TRIM65: variants seen among roughly 807,000 people sequenced by gnomAD.
The protein encoded by TRIM65 is tripartite motif containing 65.
Under a neutral mutation model 36.1 loss-of-function variants are expected in TRIM65, and 46 were observed. The observed-to-expected ratio is 1.27, with a 90% CI of 1.01 to 1.63. The LOEUF (loss-of-function observed/expected upper bound fraction) is 1.63, where lower values mean the gene tolerates loss of function less well. TRIM65 is among the 40% of genes most tolerant of loss of function. The pLI is 0.00. For missense variants in TRIM65, 708 were observed against 696.6 expected (o/e 1.02, Z -0.18); for synonymous variants, 346 against 313.6 (o/e 1.10, Z -1.09).
chr17:75,894,332 C>T (rs1403794310), intron 1 of TRIM65, among the ~76,000 whole-genome samples: 4 of 152,236 alleles, frequency 2.6e-5, no homozygotes, highest in Non-Finnish European at 5.9e-5. Flanking sequence ...ATCCTGTCTT[C>T]GCTGCTGAAA....
rs1234676383 is a variant in TRIM65, at chr17:75,890,715, C to G, written c.*64G>C. 3 of 1,362,962 alleles carry G rather than the reference C, an allele frequency of 2.2e-6. No homozygotes were observed. The highest frequency in any genetic ancestry group is 2.9e-6 in the Non-Finnish European group (3 of 1,037,370). The allele number at this position is 1,362,962 out of a possible 1,614,324, so 84.4% of individuals were successfully genotyped here. A position where few individuals can be genotyped will look rare whatever the true frequency, so the allele number is the denominator to read the frequency against. On this transcript the variant is annotated 3_prime_UTR_variant, in exon 6 of 6. Coordinates refer to ENST00000269383, the MANE Select transcript of TRIM65 (RefSeq NM_173547.4). ...TGGTCCTCCAGTCCCCAAGCTGAAG[C>G]TGGGCAGCTCTTGGGCACATAGGCA...
Position 75,892,355 on chromosome 17 carries a change from C to G in TRIM65, c.656G>C (p.Arg219Pro), listed in dbSNP as rs368813627. The G allele has an allele frequency of 6.2e-7, 1 of 1,613,322 alleles. No homozygotes were observed. Among genetic ancestry groups the G allele is most frequent in the East Asian group, 2.2e-5 (1 of 44,880 alleles). Residue 219 changes from arginine (R) to proline (P), a missense_variant, in exon 3 of 6, where the codon CGG becomes CCG. Transcript: ENST00000269383. ...CACAGCCTCCAAATGGACCCGCAGC[C>G]GCTGCTCCTCGTCTCGAGCCTGTGC... Reference protein sequence around the residue: ...ALAQARDEEQRLRVHLEAVAR... With the variant: ...ALAQARDEEQPLRVHLEAVAR...
intron 4 of TRIM65, among the ~76,000 whole-genome samples, chr17:75,881,944 A>G (rs1238571897): frequency 6.7e-6 from 1 of 150,232 alleles, no homozygotes; most frequent in Non-Finnish European, 1.5e-5. Context: ...GATCAGGACT[A>G]TCACTTGTTT....
At chr17:75,883,596 T>C (rs2065184019) in intron 4 of TRIM65, among the ~76,000 whole-genome samples, 2 of 149,068 alleles carry the variant, frequency 1.3e-5, no homozygotes, top group Non-Finnish European at 3.0e-5. Context: ...GGCGCCATCT[T>C]GGCTCACTGC....
At position 75,892,358 on chromosome 17, in the gene TRIM65, T is replaced by C. The variant is rs139902371; in HGVS notation, c.653A>G (p.Gln218Arg). The C allele has an allele frequency of 3.8e-5, 62 of 1,613,464 alleles. No individual in the cohort carries two copies. In the African/African-American group the frequency reaches 6.8e-4, roughly 18 times the overall value. ...QALAQARDEEQRLRVHLEAVA... is the reference protein window; with the variant it reads ...QALAQARDEERRLRVHLEAVA... ...AGCCTCCAAATGGACCCGCAGCCGC[T>C]GCTCCTCGTCTCGAGCCTGTGCCAG... is the stretch of plus-strand genomic sequence containing the variant. Residue 218 changes from glutamine to arginine, a missense_variant, in exon 3 of 6, where the codon CAG becomes CGG. Physicochemically the swap from Gln to Arg is conservative, Grantham distance 43. Transcript: ENST00000269383.
At position 75,892,863 on chromosome 17, in the gene TRIM65, C is replaced by T; in HGVS notation, c.415-13G>A. On this transcript the variant is annotated splice_polypyrimidine_tract_variant and intron_variant, in intron 1 of 5. Transcript: ENST00000269383. ...CTCTCAGCTGGGCCTGTGGTGCGGG[C>T]CCACGGGACAAGCAACAAGAGAAGG... 6.3e-7 allele frequency: 1 copy of T among 1,599,434 alleles called. No individual in the cohort carries two copies. Among genetic ancestry groups the T allele is most frequent in the Middle Eastern group, 1.7e-4 (1 of 6,054 alleles).
downstream of TRIM65, among the ~76,000 whole-genome samples, chr17:75,885,030 G>T (rs1269184355): frequency 6.7e-6 from 1 of 150,242 alleles, no homozygotes; most frequent in Admixed American, 6.7e-5. Context: ...TCTGCCTCCC[G>T]GGTTAAAGCG....
intron 1 of TRIM65, 37 bp downstream of exon 1, chr17:75,896,487 G>C (rs1477971868): frequency 7.7e-7 from 1 of 1,292,932 alleles, no homozygotes; most frequent in East Asian, 3.2e-5. Flanking sequence ...AGGCTGCGGC[G>C]GGTCCGGACC....
chr17:75,887,846 C>A (rs985349812), downstream of TRIM65, among the ~76,000 whole-genome samples: 2 of 151,726 alleles, frequency 1.3e-5, no homozygotes, highest in African/African-American at 4.8e-5. Context: ...ATGGTGAAAC[C>A]CCATCTCTAC....
chr17:75,885,523 G>A (rs2065200506), downstream of TRIM65, among the ~76,000 whole-genome samples: 1 of 152,228 alleles, frequency 6.6e-6, no homozygotes, highest in Non-Finnish European at 1.5e-5. Context: ...GCGATTGCAG[G>A]CGGGAGCCAC....
intron 1 of TRIM65, among the ~76,000 whole-genome samples, chr17:75,893,642 G>A (rs1216216320): frequency 1.3e-5 from 2 of 152,092 alleles, no homozygotes; most frequent in Admixed American, 6.5e-5. Context: ...AGGAGGAAAC[G>A]GGCTCAGAGA....
At chr17:75,892,931 C>T (rs909543036) in intron 1 of TRIM65, 81 bp from the exon 2 acceptor site, 1 of 1,260,774 alleles carries the variant, frequency 7.9e-7, no homozygotes, top group Non-Finnish European at 1.1e-6. Flanking sequence ...ACCAACCATG[C>T]CTGCAGACAC....
intron 5 of TRIM65, among the ~76,000 whole-genome samples, chr17:75,891,570 C>G (rs1050336362): frequency 6.6e-6 from 1 of 152,186 alleles, no homozygotes; most frequent in Non-Finnish European, 1.5e-5. Context: ...GGAAGAATTA[C>G]GGGTCTGTGC....
In TRIM65 at chr17:75,892,498, G is replaced by A. The variant is rs1378559561; in HGVS notation, c.513C>T (p.Asn171=). 1 of 1,613,308 alleles carries A rather than the reference G, an allele frequency of 6.2e-7. No individual in the cohort carries two copies. The highest frequency in any genetic ancestry group is 8.5e-7 in the Non-Finnish European group (1 of 1,179,646). Residue 171 remains asparagine, a splice_region_variant and synonymous_variant, in exon 3 of 6, where the codon AAC becomes AAT. Coordinates refer to ENST00000269383, the MANE Select transcript of TRIM65 (RefSeq NM_173547.4). ...CCCAGGAGGCCAAGATGCAGGCCGA[G>A]TTCTGGGCGGGAACAGGAGGGGCTT... ...ELRKQSSQIQ[N]SACILASWVS...
In TRIM65 at chr17:75,891,296, A is replaced by G. The variant is rs1402593385; in HGVS notation, c.1037T>C (p.Leu346Pro). The G allele has an allele frequency of 1.9e-6, 3 of 1,613,150 alleles. No homozygotes were observed. The highest frequency in any genetic ancestry group is 3.3e-5 in the Admixed American group (2 of 59,998). The change falls in exon 6 of 6, where the codon CTG becomes CCG. Residue 346 changes from leucine to proline, a missense_variant. By Grantham distance (98) the Leu-to-Pro change is moderately conservative (BLOSUM62 -3). Coordinates refer to ENST00000269383, the MANE Select transcript of TRIM65 (RefSeq NM_173547.4). ...DPVSANRHFY[L>P]SRQDQQVKHC... ...CTTCACCTGCTGGTCCTGGCGCGAC[A>G]GATAGAAGTGACGGTTGGCGCTGAC...
rs1459466393 is a variant in TRIM65, at chr17:75,896,754, G to T, written c.184C>A (p.Arg62Ser). The T allele has an allele frequency of 7.4e-6, 11 of 1,484,244 alleles. No homozygotes were observed. The highest frequency in any genetic ancestry group is 9.8e-6 in the Non-Finnish European group (11 of 1,122,688). The allele number at this position is 1,484,244 out of a possible 1,614,324, so 91.9% of individuals were successfully genotyped here. A position where few individuals can be genotyped will look rare whatever the true frequency, so the allele number is the denominator to read the frequency against. The change falls in exon 1 of 6, where the codon CGC becomes AGC. Residue 62 changes from arginine to serine, a missense_variant. Coordinates refer to ENST00000269383, the MANE Select transcript of TRIM65 (RefSeq NM_173547.4). ...EPFPDGAELR[R>S]NVALSGVLEV... is the part of the protein sequence containing the mutation. The stretch of plus-strand genomic sequence containing the variant: ...AGCACGCCGCTGAGGGCCACGTTGC[G>T]GCGCAGCTCGGCGCCGTCGGGAAAG...
Position 75,889,545 on chromosome 17 carries a change from C to T in TRIM65, c.*1234G>A, listed in dbSNP as rs1329648544. ...CAAACCAGGAGGAGCTAGCCTGTGCCGACACCTGCACACACGGCTGCCCCA... is the reference window on the plus strand; with the variant it reads ...CAAACCAGGAGGAGCTAGCCTGTGCTGACACCTGCACACACGGCTGCCCCA... On this transcript the variant is annotated 3_prime_UTR_variant, in exon 6 of 6. Coordinates refer to ENST00000269383, the MANE Select transcript of TRIM65 (RefSeq NM_173547.4). The T allele has an allele frequency of 1.3e-5, 2 of 152,212 alleles. No individual in the cohort carries two copies. The highest frequency in any genetic ancestry group is 1.9e-4 in the East Asian group (1 of 5,206). The allele number at this position is 152,212 out of a possible 1,614,324, so 9.4% of individuals were successfully genotyped here.
intron 1 of TRIM65, 120 bp from the exon 2 acceptor site, chr17:75,892,970 G>T: frequency 2.4e-6 from 2 of 837,756 alleles, no homozygotes; most frequent in Non-Finnish European, 3.8e-6. Context: ...GCCACCCCAG[G>T]CCAGCCTCCA....
intron 2 of TRIM65, 80 bp from the exon 3 acceptor site, chr17:75,892,580 T>C (rs2065287816): frequency 3.6e-6 from 5 of 1,389,740 alleles, no homozygotes; most frequent in Non-Finnish European, 5.0e-6. Flanking sequence ...GGCTGCCTGC[T>C]GGGCTGAGGG....
Sources: gnomAD v4.1 joint callset for allele counts (sites outside exome capture counted in the v4.1 genomes callset) on GRCh38, gnomAD v4.1.1 for gene constraint, MANE v1.5 for transcripts, NCBI Gene and HGNC (gene_info 2026-07-23, HGNC 2026-07-21) for gene names.